MREG: variants seen among roughly 807,000 people sequenced by gnomAD.
The protein encoded by MREG is dilute suppressor protein homolog.
Under a neutral mutation model 28.5 loss-of-function variants are expected in MREG, and 31 were observed. That is an observed-to-expected ratio of 1.09 (90% confidence interval 0.82 to 1.47). The LOEUF is 1.47. Ranked by LOEUF, MREG falls within the 40% of genes most tolerant of loss-of-function variation. The pLI is 0.00. For missense variants in MREG, 256 were observed against 257.4 expected (o/e 0.99, Z 0.04); for synonymous variants, 106 against 95.2 (o/e 1.11, Z -0.66).
chr2:215,967,620 CCA>C (rs1444592947), intron 2 of MREG, among the ~76,000 whole-genome samples: 3 of 152,150 alleles, frequency 2.0e-5, no homozygotes, highest in African/African-American at 7.2e-5. Context: ...AAAATTAAAT[CCA>C]CACAGTCATT....
intron 1 of MREG, among the ~76,000 whole-genome samples, chr2:216,005,421 C>G (rs908357244): frequency 1.4e-5 from 2 of 146,000 alleles, no homozygotes; most frequent in Non-Finnish European, 3.0e-5. Flanking sequence ...GGTGGTTACA[C>G]GAGTATTCAC....
intron 2 of MREG, among the ~76,000 whole-genome samples, chr2:215,954,003 C>T (rs948284695): frequency 6.6e-6 from 1 of 152,202 alleles, no homozygotes; most frequent in Non-Finnish European, 1.5e-5. Flanking sequence ...CTTTCTGTCC[C>T]AGAAGTGTCT....
At chr2:215,962,037 G>A (rs1692806328) in intron 2 of MREG, among the ~76,000 whole-genome samples, 1 of 152,142 alleles carries the variant, frequency 6.6e-6, no homozygotes, top group Non-Finnish European at 1.5e-5. Context: ...TCTTTGCAAT[G>A]CTCAACTGTT....
rs1692277806 is a variant in MREG, at chr2:215,944,781, C to T, written c.*82G>A. 2.2e-6 allele frequency: 3 copies of T among 1,377,828 alleles called. No individual in the cohort carries two copies. The highest frequency in any genetic ancestry group is 4.2e-5 in the Admixed American group (2 of 48,144). 85.4% of individuals were successfully genotyped at this position (1,377,828 alleles called of 1,614,324 possible). On this transcript the variant is annotated 3_prime_UTR_variant, in exon 5 of 5. Coordinates refer to ENST00000263268, the MANE Select transcript of MREG (RefSeq NM_018000.3). ...ACTAAGCAAACTCTATTTGCTCACT[C>T]TCTTCTACATGTAATTGTCCAACTT...
chr2:216,003,997 C>A (rs1291820950), intron 1 of MREG, among the ~76,000 whole-genome samples: 1 of 152,198 alleles, frequency 6.6e-6, no homozygotes, highest in Non-Finnish European at 1.5e-5. Flanking sequence ...GTGGCTAACC[C>A]ATTTGGCCTA....
At chr2:216,023,593 CT>C (rs1234707175) in intron 1 of MREG, among the ~76,000 whole-genome samples, 1 of 152,112 alleles carries the variant, frequency 6.6e-6, no homozygotes, top group Non-Finnish European at 1.5e-5. Flanking sequence ...GTATAGGCCA[CT>C]AGATATATTT....
intron 1 of MREG, among the ~76,000 whole-genome samples, chr2:216,020,513 G>C (rs1316622480): frequency 1.3e-5 from 2 of 152,108 alleles, no homozygotes; most frequent in Non-Finnish European, 2.9e-5. Context: ...TGCTGTGCTC[G>C]GAGGGAGAAA....
At chr2:215,969,951 C>A (rs997647015) in intron 2 of MREG, among the ~76,000 whole-genome samples, 1 of 152,196 alleles carries the variant, frequency 6.6e-6, no homozygotes, top group Non-Finnish European at 1.5e-5. Context: ...AGAAAGCATT[C>A]ACCATCCCTC....
chr2:215,999,279 C>T (rs1431016037), intron 1 of MREG, among the ~76,000 whole-genome samples: 1 of 152,146 alleles, frequency 6.6e-6, no homozygotes, highest in African/African-American at 2.4e-5. Context: ...GATTTTGAGC[C>T]CTGTCAGGTC....
intron 2 of MREG, among the ~76,000 whole-genome samples, chr2:215,960,460 T>C (rs920435641): frequency 3.3e-5 from 5 of 152,218 alleles, no homozygotes; most frequent in African/African-American, 1.2e-4. Context: ...ATTGTGAATA[T>C]AGAAAGCTGC....
chr2:215,972,618 A>G (rs1027966315), intron 2 of MREG, among the ~76,000 whole-genome samples: 4 of 36,682 alleles, frequency 1.1e-4, no homozygotes, highest in Non-Finnish European at 2.2e-4. Flanking sequence ...TCTCTCCCAG[A>G]AAAAAAAAAA....
upstream of MREG, among the ~76,000 whole-genome samples, chr2:216,018,337 G>A (rs1270301292): frequency 6.6e-6 from 1 of 152,180 alleles, no homozygotes; most frequent in African/African-American, 2.4e-5. Flanking sequence ...ATGGAGGCAG[G>A]GATTTTGTTT....
chr2:215,973,991 A>G (rs902257795), intron 2 of MREG, among the ~76,000 whole-genome samples: 3 of 152,256 alleles, frequency 2.0e-5, no homozygotes, highest in Non-Finnish European at 4.4e-5. Flanking sequence ...ACTCGGGTCC[A>G]TTGAAAATCA....
intron 2 of MREG, among the ~76,000 whole-genome samples, chr2:215,957,692 C>A (rs1692662976): frequency 6.6e-6 from 1 of 152,170 alleles, no homozygotes; most frequent in African/African-American, 2.4e-5. Context: ...GGAAGACTTA[C>A]CTAAGGTACC....
At chr2:215,993,660 C>A (rs1440618077) in intron 2 of MREG, among the ~76,000 whole-genome samples, 2 of 152,146 alleles carry the variant, frequency 1.3e-5, no homozygotes, top group East Asian at 1.9e-4. Flanking sequence ...TTTTTGCAAT[C>A]TATCTATCTG....
chr2:215,978,099 T>G (rs1431747033), intron 2 of MREG, among the ~76,000 whole-genome samples: 1 of 151,934 alleles, frequency 6.6e-6, no homozygotes, highest in Non-Finnish European at 1.5e-5. Context: ...CAGGAACTGG[T>G]TTTTTGAAAA....
chr2:215,950,061 T>C (rs1311128534), intron 2 of MREG, among the ~76,000 whole-genome samples: 2 of 152,234 alleles, frequency 1.3e-5, no homozygotes, highest in African/African-American at 2.4e-5. Flanking sequence ...AGTGACCAGA[T>C]TGTTAGTCAC....
intron 2 of MREG, among the ~76,000 whole-genome samples, chr2:215,992,276 A>C (rs1693738797): frequency 6.6e-6 from 1 of 152,220 alleles, no homozygotes; most frequent in Admixed American, 6.5e-5. Context: ...CCTCACATAA[A>C]CAGAACCAAT....
intron 2 of MREG, among the ~76,000 whole-genome samples, chr2:215,988,682 C>T (rs983040174): frequency 5.9e-5 from 9 of 152,312 alleles, no homozygotes; most frequent in South Asian, 2.1e-4. Context: ...CTGAAGTTGA[C>T]CTGGGATGCT....
Sources: allele counts gnomAD v4.1 joint callset (sites outside exome capture counted in the v4.1 genomes callset), GRCh38; gene constraint gnomAD v4.1.1; transcripts MANE v1.5; gene names NCBI Gene and HGNC (gene_info 2026-07-23, HGNC 2026-07-21).